CHL1: variants seen among roughly 807,000 people sequenced by gnomAD.
CHL1 encodes the protein neural cell adhesion molecule L1-like protein.
CHL1 carries 96 observed loss-of-function variants against 141.9 expected under a neutral mutation model. That is an observed-to-expected ratio of 0.68 (90% CI 0.57 to 0.80). The LOEUF (loss-of-function observed/expected upper bound fraction) is 0.80, where lower values mean the gene tolerates loss of function less well. Among genes scored for constraint, CHL1 ranks in the 30% least tolerant of loss-of-function variants. CHL1 has a pLI of 0.00. For missense variants in CHL1, 1,820 were observed against 1,457.2 expected, an observed-to-expected ratio of 1.25 and a Z score of -4.05; for synonymous variants, 613 against 502.2, an observed-to-expected ratio of 1.22 and a Z score of -2.95.
intron 7 of CHL1, 95 bp downstream of exon 7, chr3:342,177 A>G (rs1396382015): frequency 1.7e-6 from 2 of 1,145,454 alleles, no homozygotes; most frequent in Admixed American, 2.3e-5. Context: ...CTGGGTTGAT[A>G]TTTTGCACCA....
At chr3:294,650 C>G (rs910123406) in intron 2 of CHL1, among the ~76,000 whole-genome samples, 1 of 147,758 alleles carries the variant, frequency 6.8e-6, no homozygotes, top group African/African-American at 2.5e-5. Flanking sequence ...CCTTTTTTTT[C>G]CAAATATAGA....
chr3:260,091 C>G (rs914509643), intron 2 of CHL1, among the ~76,000 whole-genome samples: 1 of 152,022 alleles, frequency 6.6e-6, no homozygotes, highest in African/African-American at 2.4e-5. Context: ...ATGATGAAAC[C>G]CTGTCTCTAC....
At chr3:344,466 A>AAC (rs56787746) in intron 8 of CHL1, 123 bp from the exon 9 acceptor site, 65,752 of 529,308 alleles carry the variant, frequency 0.12, 1,479 homozygotes, top group African/African-American at 0.25. Flanking sequence ...ATGTGTATAG[A>AAC]ACACACACAC....
At chr3:330,999 A>G (rs762305258) in intron 5 of CHL1, among the ~76,000 whole-genome samples, 1 of 152,164 alleles carries the variant, frequency 6.6e-6, no homozygotes, top group Non-Finnish European at 1.5e-5. Flanking sequence ...TGAACTAAAC[A>G]TTGTGGAACA....
At chr3:312,870 A>C (rs566399713) in intron 2 of CHL1, among the ~76,000 whole-genome samples, 3 of 152,336 alleles carry the variant, frequency 2.0e-5, no homozygotes, top group African/African-American at 7.2e-5. Flanking sequence ...TTAAAACTAT[A>C]ATTTGGATGC....
Position 377,926 on chromosome 3 carries a change from T to C in CHL1, c.1860T>C (p.Thr620=), listed in dbSNP as rs763953014. Residue 620 remains threonine, a synonymous_variant, in exon 16 of 28, where the codon ACT becomes ACC. Coordinates refer to ENST00000256509, the MANE Select transcript of CHL1 (RefSeq NM_006614.4). ...HTALDSAADI[T]QVTVLDVPDP... The stretch of plus-strand genomic sequence containing the variant: ...CTCTAGACAGTGCTGCCGATATAAC[T>C]CAAGTAACTGTTCTTGGTAAGTGCA... 2 of 1,608,142 alleles carry C rather than the reference T, an allele frequency of 1.2e-6. No homozygotes were observed. The highest frequency in any genetic ancestry group is 2.2e-5 in the South Asian group (2 of 89,080).
chr3:252,872 C>T (rs919302936), intron 2 of CHL1, among the ~76,000 whole-genome samples: 1 of 151,964 alleles, frequency 6.6e-6, no homozygotes, highest in African/African-American at 2.4e-5. Context: ...GTCCAATTAT[C>T]ATGCTTTCAT....
At chr3:267,147 G>C (rs1404720972) in intron 2 of CHL1, among the ~76,000 whole-genome samples, 1 of 152,148 alleles carries the variant, frequency 6.6e-6, no homozygotes, top group Admixed American at 6.5e-5. Context: ...CTCTTTCACA[G>C]TACACCATAG....
At chr3:404,003 AG>A (rs1709343360) in intron 27 of CHL1, among the ~76,000 whole-genome samples, 1 of 152,182 alleles carries the variant, frequency 6.6e-6, no homozygotes, top group Non-Finnish European at 1.5e-5. Flanking sequence ...CGTATCAGTC[AG>A]GGGAGCCTGT....
chr3:235,928 G>GC (rs1275903663), intron 1 of CHL1, among the ~76,000 whole-genome samples: 2 of 152,164 alleles, frequency 1.3e-5, no homozygotes, highest in Non-Finnish European at 2.9e-5. Flanking sequence ...CCAGAAGAGG[G>GC]CCTCTGGCTT....
intron 2 of CHL1, among the ~76,000 whole-genome samples, chr3:287,758 TG>T (rs1419263249): frequency 1.3e-5 from 2 of 149,162 alleles, no homozygotes; most frequent in African/African-American, 5.1e-5. Flanking sequence ...ATTGCTCCAC[TG>T]GTGTCTTTTT....
At chr3:262,591 A>G (rs1694824124) in intron 2 of CHL1, among the ~76,000 whole-genome samples, 1 of 152,250 alleles carries the variant, frequency 6.6e-6, no homozygotes, top group Admixed American at 6.5e-5. Flanking sequence ...GGCAGGATTC[A>G]CACATTTAAA....
At position 394,681 on chromosome 3, in the gene CHL1, T is replaced by C. The variant is rs1235846033; in HGVS notation, c.2915-12T>C. On this transcript the variant is annotated splice_polypyrimidine_tract_variant and intron_variant, in intron 23 of 27. Coordinates refer to ENST00000256509, the MANE Select transcript of CHL1 (RefSeq NM_006614.4). ...AATACATTTGAGCTGTTGTTCATGT[T>C]TATTTTTTTAGTAAATGACACCTAC... 6.3e-7 allele frequency: 1 copy of C among 1,587,696 alleles called. No individual in the cohort carries two copies. Among genetic ancestry groups the C allele is most frequent in the Non-Finnish European group, 8.6e-7 (1 of 1,162,732 alleles).
At chr3:303,614 A>G (rs1698958743) in intron 2 of CHL1, among the ~76,000 whole-genome samples, 1 of 152,224 alleles carries the variant, frequency 6.6e-6, no homozygotes, top group Non-Finnish European at 1.5e-5. Flanking sequence ...GTTGCTTATC[A>G]GCTTAAGGAG....
intron 2 of CHL1, among the ~76,000 whole-genome samples, chr3:302,375 A>G (rs1189529954): frequency 2.6e-5 from 4 of 152,146 alleles, no homozygotes; most frequent in Non-Finnish European, 2.9e-5. Context: ...GTGTAAAAGC[A>G]TTCCTATTTT....
chr3:341,328 C>G (rs1702331076), intron 6 of CHL1, among the ~76,000 whole-genome samples: 1 of 152,130 alleles, frequency 6.6e-6, no homozygotes, highest in Admixed American at 6.5e-5. Context: ...GCAGTGATCT[C>G]TACATGTTTT....
chr3:350,124 T>A (rs564750525), intron 10 of CHL1, among the ~76,000 whole-genome samples: 1 of 152,344 alleles, frequency 6.6e-6, no homozygotes, highest in South Asian at 2.1e-4. Context: ...ATAGACTGTA[T>A]GCTATAATAT....
Position 406,062 on chromosome 3 carries a change from G to C in CHL1, c.*351G>C, listed in dbSNP as rs1034576922. ...GTTTGCATAGATGTTGCTACTTGGT[G>C]GGTTTTTCTCCGTATGCACATTGGT... On this transcript the variant is annotated 3_prime_UTR_variant, in exon 28 of 28. Coordinates refer to ENST00000256509, the MANE Select transcript of CHL1 (RefSeq NM_006614.4). 9.0e-6 allele frequency: 2 copies of C among 222,846 alleles called. No homozygotes were observed. Among genetic ancestry groups the C allele is most frequent in the African/African-American group, 4.7e-5 (2 of 42,848 alleles). 13.8% of individuals were successfully genotyped at this position (222,846 alleles called of 1,614,324 possible).
chr3:310,081 G>C (rs544453132), intron 2 of CHL1, among the ~76,000 whole-genome samples: 2 of 152,168 alleles, frequency 1.3e-5, no homozygotes, highest in African/African-American at 4.8e-5. Flanking sequence ...AAATAAAGAG[G>C]AGACAAACAG....
Sources: allele counts gnomAD v4.1 joint callset (sites outside exome capture counted in the v4.1 genomes callset), GRCh38; gene constraint gnomAD v4.1.1; transcripts MANE v1.5; gene names NCBI Gene and HGNC (gene_info 2026-07-23, HGNC 2026-07-21).